Variants in FAM120C observed in about 807,000 individuals in gnomAD.
FAM120C encodes the protein constitutive coactivator of PPAR-gamma-like protein 2.
FAM120C carries 14 observed loss-of-function variants against 71.2 expected under a neutral mutation model. The observed-to-expected ratio is 0.20, with a 90% CI of 0.13 to 0.31. The LOEUF (loss-of-function observed/expected upper bound fraction) is 0.31, where lower values mean the gene tolerates loss of function less well. FAM120C is among the 10% of genes least tolerant of loss of function. The pLI is 1.00. For synonymous variants in FAM120C, 354 were observed against 353.2 expected, an observed-to-expected ratio of 1.00 and a Z score of -0.03; for missense variants, 500 against 879.0, an observed-to-expected ratio of 0.57 and a Z score of 5.45.
At position 54,072,120 on chromosome X, in the gene FAM120C, C is replaced by A. The variant is rs1431240649; in HGVS notation, c.*913G>T. The A allele has an allele frequency of 1.0e-5, 1 of 98,978 alleles. No individual in the cohort carries two copies. Among genetic ancestry groups the A allele is most frequent in the Non-Finnish European group, 2.0e-5 (1 of 49,108 alleles). 8.2% of individuals were successfully genotyped at this position (98,978 alleles called of 1,213,427 possible). On this transcript the variant is annotated 3_prime_UTR_variant, in exon 16 of 16. Coordinates refer to ENST00000375180, the MANE Select transcript of FAM120C (RefSeq NM_017848.6). The stretch of plus-strand genomic sequence containing the variant: ...TACACACATTCATATATACACCCAC[C>A]CACACAACATCCACCCACACCCACA...
chrX:54,080,847 T>C (rs781789906), intron 14 of FAM120C, among the ~76,000 whole-genome samples: 1 of 72,748 alleles, frequency 1.4e-5, no homozygotes, highest in East Asian at 4.3e-4. Context: ...GGGAAACAAG[T>C]GAAACTCCAT....
At chrX:54,135,712 C>T in intron 5 of FAM120C, 108 bp from the exon 6 acceptor site, 1 of 569,566 alleles carries the variant, frequency 1.8e-6, no homozygotes, top group African/African-American at 2.3e-5. Flanking sequence ...AAATAAGTTA[C>T]AATTTATTGA....
rs1404056380 is a variant in FAM120C, at chrX:54,179,048, CT to C, written c.699+3451del. ...TCTCCTGAATCACAATCTAAAACTG[CT>C]TTAGGTTGCTTTATTTCTGAGACCC... On this transcript the variant is annotated intron_variant, in intron 1 of 15. Transcript: ENST00000375180. Among the ~76,000 whole-genome samples, 6 of 111,756 alleles carry C rather than the reference CT, an allele frequency of 5.4e-5. 1 individual carries two copies. Among genetic ancestry groups the C allele is most frequent in the African/African-American group, 1.9e-4 (6 of 30,777 alleles).
chrX:54,129,341 G>A (rs1357789924), intron 9 of FAM120C, among the ~76,000 whole-genome samples: 4 of 108,397 alleles, frequency 3.7e-5, no homozygotes, highest in Non-Finnish European at 5.8e-5. Flanking sequence ...CCTCCCAGAC[G>A]GGGTCGCAGC....
chrX:54,079,309 A>T (rs1035854981), intron 15 of FAM120C, among the ~76,000 whole-genome samples: 10 of 108,703 alleles, frequency 9.2e-5, no homozygotes, highest in Non-Finnish European at 1.7e-4. Flanking sequence ...GTGTGGTGGC[A>T]CACACCTGTA....
chrX:54,081,954 G>A (rs1056522361), intron 13 of FAM120C, among the ~76,000 whole-genome samples: 4 of 109,584 alleles, frequency 3.7e-5, no homozygotes, highest in Admixed American at 9.9e-5. Flanking sequence ...AGGCCGAGGC[G>A]GGTGGATCAC....
intron 10 of FAM120C, among the ~76,000 whole-genome samples, chrX:54,098,538 G>C (rs782502587): frequency 9.0e-6 from 1 of 111,495 alleles, no homozygotes; most frequent in East Asian, 2.8e-4. Context: ...GGTGTTAACT[G>C]GTTTCTCATT....
At chrX:54,082,215 A>G (rs2066769686) in intron 13 of FAM120C, among the ~76,000 whole-genome samples, 1 of 107,970 alleles carries the variant, frequency 9.3e-6, no homozygotes, top group African/African-American at 3.4e-5. Context: ...AGATTCTGTG[A>G]TAACAGAAAG....
chrX:54,113,971 T>C (rs1337875924), intron 10 of FAM120C, among the ~76,000 whole-genome samples: 2 of 110,317 alleles, frequency 1.8e-5, no homozygotes, highest in East Asian at 5.7e-4. Context: ...GCAGTACTAT[T>C]TGCAATAGCA....
chrX:54,175,313 A>G (rs1436807221), intron 1 of FAM120C, among the ~76,000 whole-genome samples: 1 of 110,996 alleles, frequency 9.0e-6, no homozygotes, highest in Non-Finnish European at 1.9e-5. Context: ...TACTTAGCAC[A>G]GTGTCTGGCA....
intron 4 of FAM120C, among the ~76,000 whole-genome samples, chrX:54,145,236 C>T (rs1343862517): frequency 1.8e-5 from 2 of 111,884 alleles, no homozygotes; most frequent in African/African-American, 6.5e-5. Flanking sequence ...TAGGCAATAC[C>T]ATTCAGGACA....
rs1213844499 is a variant in FAM120C at position 54,109,704 on chromosome X, A to G, written c.2312+6841T>C. On this transcript the variant is annotated intron_variant, in intron 10 of 15. Transcript: ENST00000375180. ...AACGAATACCTGAAAATGTGGAAGC[A>G]GCTTTGGGAGGCTGAGGCAGGAGAA... 1.8e-4 allele frequency among the ~76,000 whole-genome samples: 19 copies of G among 107,117 alleles called. No homozygotes were observed. The Admixed American group carries it at 1.9e-3, about 11-fold the overall frequency. The allele number at this position is 107,117 out of a possible 115,157, so 93.0% of individuals were successfully genotyped here. A position where few individuals can be genotyped will look rare whatever the true frequency, so the allele number is the denominator to read the frequency against.
intron 4 of FAM120C, among the ~76,000 whole-genome samples, chrX:54,146,555 C>T (rs933276963): frequency 1.8e-5 from 2 of 110,760 alleles, no homozygotes; most frequent in Admixed American, 9.7e-5. Flanking sequence ...GTGGCACACA[C>T]CTGTAGTTCC....
At chrX:54,110,711 T>C (rs924104680) in intron 10 of FAM120C, among the ~76,000 whole-genome samples, 3 of 109,062 alleles carry the variant, frequency 2.8e-5, no homozygotes, top group African/African-American at 1.0e-4. Flanking sequence ...AGCCCAGGAG[T>C]TCAAGACTGG....
At chrX:54,103,928 C>CG (rs1188839057) in intron 10 of FAM120C, among the ~76,000 whole-genome samples, 2 of 111,436 alleles carry the variant, frequency 1.8e-5, no homozygotes, top group Non-Finnish European at 3.8e-5. Flanking sequence ...CTTCATGTAT[C>CG]GGGATGGCAC....
intron 10 of FAM120C, among the ~76,000 whole-genome samples, chrX:54,108,113 A>C (rs1261139665): frequency 1.0e-5 from 1 of 99,440 alleles, no homozygotes; most frequent in African/African-American, 4.3e-5. Context: ...GTAGGGCTTG[A>C]CTTCCCCTTT....
intron 3 of FAM120C, among the ~76,000 whole-genome samples, chrX:54,154,206 G>C (rs1603362712): frequency 1.9e-5 from 2 of 107,357 alleles, no homozygotes; most frequent in Admixed American, 2.0e-4. Context: ...TTAAGAAGTA[G>C]GTATATTTTT....
At position 54,138,824 on chromosome X, in the gene FAM120C, A is replaced by C. The variant is rs190173276; in HGVS notation, c.1159-2234T>G. Among the ~76,000 whole-genome samples the C allele has an allele frequency of 7.7e-4, 87 of 112,453 alleles. 1 individual carries two copies. In the East Asian group the frequency reaches 0.021, roughly 27 times the overall value. ...ACAGAGCGAGACTGTCTAAACAAACAAACAAACAAAAAGTTCAGGTAAAGG... is the reference window on the plus strand; with the variant it reads ...ACAGAGCGAGACTGTCTAAACAAACCAACAAACAAAAAGTTCAGGTAAAGG... On this transcript the variant is annotated intron_variant, in intron 4 of 15. Transcript: ENST00000375180.
chrX:54,138,958 G>T (rs1001116781), intron 4 of FAM120C, among the ~76,000 whole-genome samples: 3 of 112,384 alleles, frequency 2.7e-5, no homozygotes, highest in Non-Finnish European at 5.6e-5. Flanking sequence ...TTATTTAAAA[G>T]TCTCCTTGAA....
Sources: gnomAD v4.1 joint callset for allele counts (sites outside exome capture counted in the v4.1 genomes callset) on GRCh38, gnomAD v4.1.1 for gene constraint, MANE v1.5 for transcripts, NCBI Gene and HGNC (gene_info 2026-07-23, HGNC 2026-07-21) for gene names.